The following SLC5A4 variants were observed in gnomAD, a reference collection of about 807,000 sequenced individuals.
SLC5A4 encodes solute carrier family 5 member 4, also known as probable glucose sensor protein SLC5A4.
SLC5A4 carries 55 observed loss-of-function variants against 70.3 expected under a neutral mutation model. That is an observed-to-expected ratio of 0.78 (90% CI 0.63 to 0.98). The LOEUF is 0.98. Among genes scored for constraint, SLC5A4 ranks in the 50% least tolerant of loss-of-function variants. SLC5A4 has a pLI of 0.00. For missense variants in SLC5A4, 735 were observed against 839.2 expected, an observed-to-expected ratio of 0.88 and a Z score of 1.53; for synonymous variants, 268 against 305.7, an observed-to-expected ratio of 0.88 and a Z score of 1.29.
chr22:32,334,184 A>G, the SLC5A4 span, among the ~76,000 whole-genome samples: 49 of 152,082 alleles, frequency 3.2e-4, no homozygotes, highest in African/African-American at 1.2e-3. Context: ...CACAATGCAC[A>G]CACCATGCCA....
At chr22:32,308,867 T>A in the SLC5A4 span, among the ~76,000 whole-genome samples, 1 of 152,186 alleles carries the variant, frequency 6.6e-6, no homozygotes, top group South Asian at 2.1e-4. Context: ...TGTGTGCATG[T>A]ATGTACTTGT....
chr22:32,239,935 A>G (rs1026084865), intron 5 of SLC5A4, among the ~76,000 whole-genome samples: 3 of 148,482 alleles, frequency 2.0e-5, no homozygotes, highest in Non-Finnish European at 4.4e-5. Flanking sequence ...GAGGCAGGAG[A>G]ATGGTGTGAA....
the SLC5A4 span, among the ~76,000 whole-genome samples, chr22:32,310,907 G>T: frequency 6.6e-6 from 1 of 152,208 alleles, no homozygotes; most frequent in Non-Finnish European, 1.5e-5. Flanking sequence ...CCAGGGCTGG[G>T]CACTCTTGCC....
chr22:32,253,134 A>C (rs1445485795), intron 2 of SLC5A4, among the ~76,000 whole-genome samples: 1 of 152,218 alleles, frequency 6.6e-6, no homozygotes, highest in Admixed American at 6.5e-5. Flanking sequence ...CAGCCAGGAC[A>C]GTTGCCCATC....
the SLC5A4 span, chr22:32,269,838 A>G: frequency 1.6e-6 from 1 of 642,700 alleles, no homozygotes; most frequent in East Asian, 3.9e-5. This position sits in a 1 kb window ranked among gnomAD's most constrained non-coding sequence, Gnocchi z 4.1. Context: ...GGGCAGTCAG[A>G]TCTACATGCT....
the SLC5A4 span, among the ~76,000 whole-genome samples, chr22:32,334,356 A>C: frequency 6.6e-6 from 1 of 151,728 alleles, no homozygotes; most frequent in Non-Finnish European, 1.5e-5. Flanking sequence ...CAGCAACACC[A>C]CGTGTCTCTT....
At chr22:32,307,829 G>A in the SLC5A4 span, among the ~76,000 whole-genome samples, 1 of 152,182 alleles carries the variant, frequency 6.6e-6, no homozygotes, top group Admixed American at 6.5e-5. Context: ...CGTCATCCAG[G>A]CATGGCCTGA....
At chr22:32,341,077 G>A in the SLC5A4 span, among the ~76,000 whole-genome samples, 6 of 152,122 alleles carry the variant, frequency 3.9e-5, no homozygotes, top group South Asian at 1.2e-3. Context: ...GGAGGCAGCG[G>A]GGACGTGGAT....
At chr22:32,308,446 G>A in the SLC5A4 span, among the ~76,000 whole-genome samples, 1 of 148,834 alleles carries the variant, frequency 6.7e-6, no homozygotes, top group Non-Finnish European at 1.5e-5. Context: ...ACCTGACCTG[G>A]ACAGCGGCCT....
the SLC5A4 span, among the ~76,000 whole-genome samples, chr22:32,314,548 A>G: frequency 6.6e-6 from 1 of 152,244 alleles, no homozygotes; most frequent in East Asian, 1.9e-4. Context: ...AAAAAAATTA[A>G]GGACACCCTT....
At chr22:32,222,197 T>G (rs781301814) in intron 13 of SLC5A4, among the ~76,000 whole-genome samples, 1 of 152,236 alleles carries the variant, frequency 6.6e-6, no homozygotes, top group African/African-American at 2.4e-5. Flanking sequence ...TGCCTTTACC[T>G]TCTCACTAAG....
the SLC5A4 span, chr22:32,271,271 G>C: frequency 4.7e-5 from 36 of 764,352 alleles, no homozygotes; most frequent in East Asian, 1.1e-3. Context: ...AGCTCCTTTG[G>C]AGAGCCCACC....
chr22:32,292,772 T>C, the SLC5A4 span, among the ~76,000 whole-genome samples: 2 of 152,212 alleles, frequency 1.3e-5, no homozygotes, highest in Admixed American at 6.5e-5. Context: ...TGCATTGTTC[T>C]AGATATCTCC....
At chr22:32,254,337 G>T in intron 1 of SLC5A4, 124 bp from the exon 2 acceptor site, 1 of 691,842 alleles carries the variant, frequency 1.4e-6, no homozygotes. Flanking sequence ...ACATTTCGCT[G>T]GAAAGTGTTC....
chr22:32,239,574 ATATATATTTATATATATATAAATT>A lies in SLC5A4; in HGVS notation c.478-508_478-485del, dbSNP rs1569375038. ...TATATATATATATATATATATTTAT[ATATATATTTATATATATATAAATT>A]ATATAAAATATATGTATAATATATA... On this transcript the variant is annotated intron_variant, in intron 5 of 14. Coordinates refer to ENST00000266086, the MANE Select transcript of SLC5A4 (RefSeq NM_014227.3). Among the ~76,000 whole-genome samples the A allele has an allele frequency of 9.2e-3, 228 of 24,918 alleles. 17 individuals carry two copies. Among genetic ancestry groups the A allele is most frequent in the African/African-American group, 0.03 (129 of 4,264 alleles). The allele number at this position is 24,918 out of a possible 152,430, so 16.3% of individuals were successfully genotyped here.
chr22:32,250,406 C>T (rs1927073733), intron 3 of SLC5A4, among the ~76,000 whole-genome samples: 1 of 152,156 alleles, frequency 6.6e-6, no homozygotes, highest in South Asian at 2.1e-4. Context: ...GTGGTCCCAG[C>T]TACATGGGAG....
rs1208380623 is a variant in SLC5A4, at chr22:32,229,344, C to T, written c.1130G>A (p.Gly377Glu). 2.5e-6 allele frequency: 4 copies of T among 1,613,890 alleles called. No individual in the cohort carries two copies. Among genetic ancestry groups the T allele is most frequent in the South Asian group, 1.1e-5 (1 of 91,054 alleles). Residue 377 changes from glycine (G) to glutamate (E), a missense_variant and splice_region_variant, in exon 11 of 15, where the codon GGA becomes GAA. Physicochemically the swap from Gly to Glu is moderately conservative, Grantham distance 98 (BLOSUM62 -2). Coordinates refer to ENST00000266086, the MANE Select transcript of SLC5A4 (RefSeq NM_014227.3). The stretch of plus-strand genomic sequence containing the variant: ...GACCGAAAGCATCAGGCCTCGCAGT[C>T]CTGGAGCCGGGAAAGGGTACAAGCA... ...PTMVLELMPQ[G>E]LRGLMLSVML... is the part of the protein sequence containing the mutation.
chr22:32,264,160 A>G, the SLC5A4 span, among the ~76,000 whole-genome samples: 1 of 152,060 alleles, frequency 6.6e-6, no homozygotes, highest in African/African-American at 2.4e-5. Flanking sequence ...CATGTTCTGC[A>G]TATGTACCCC....
chr22:32,225,407 A>G (rs1243362837), intron 12 of SLC5A4, among the ~76,000 whole-genome samples: 1 of 152,208 alleles, frequency 6.6e-6, no homozygotes, highest in African/African-American at 2.4e-5. Flanking sequence ...CCTCCCAAAC[A>G]TGTTCCTCAA....
Sources: allele counts gnomAD v4.1 joint callset (sites outside exome capture counted in the v4.1 genomes callset), GRCh38; gene constraint gnomAD v4.1.1; non-coding constraint Gnocchi (gnomAD v3.1); transcripts MANE v1.5; gene names NCBI Gene and HGNC (gene_info 2026-07-23, HGNC 2026-07-21).